The following NTRK3 variants were observed in gnomAD, a reference collection of about 807,000 sequenced individuals.
NTRK3 encodes the protein NT-3 growth factor receptor.
A neutral mutation model predicts 91.7 loss-of-function variants in NTRK3; 24 were observed. The observed-to-expected ratio is 0.26, with a 90% CI of 0.19 to 0.37. The LOEUF is 0.37. Ranked by LOEUF, NTRK3 falls within the 10% of genes least tolerant of loss-of-function variation. The probability of loss-of-function intolerance (pLI) is 1.00; values close to 1 mark genes in which losing one functional copy is unlikely to be tolerated. For missense variants in NTRK3, 880 were observed against 1,068.9 expected (o/e 0.82, Z 2.46); for synonymous variants, 483 against 404.0 (o/e 1.20, Z -2.34).
In NTRK3 at chr15:87,912,931, A is replaced by ATATATATATATATAT. The variant is rs1567099538; in HGVS notation, c.2133+16259_2133+16260insATATATATATATATA. On this transcript the variant is annotated intron_variant, in intron 17 of 18. Transcript: ENST00000394480. ...TTCAACTTTTCAAAAAGTAAAAAAA[A>ATATATATATATATAT]ATATATATATATATATATATATATA... Among the ~76,000 whole-genome samples the ATATATATATATATAT allele has an allele frequency of 1.2e-3, 45 of 36,376 alleles. 1 individual carries two copies. Among genetic ancestry groups the ATATATATATATATAT allele is most frequent in the Non-Finnish European group, 1.7e-3 (36 of 21,234 alleles). 23.9% of individuals were successfully genotyped at this position (36,376 alleles called of 152,430 possible).
intron 3 of NTRK3, among the ~76,000 whole-genome samples, chr15:88,216,400 T>C (rs1487404167): frequency 6.6e-6 from 1 of 152,198 alleles, no homozygotes; most frequent in African/African-American, 2.4e-5. Flanking sequence ...AGCTCACCCC[T>C]GTGGGCCTGG....
Position 87,992,041 on chromosome 15 carries a change from G to A in NTRK3, c.1585+40816C>T, listed in dbSNP as rs116782640. Among the ~76,000 whole-genome samples the A allele has an allele frequency of 8.7e-4, 131 of 150,812 alleles. 1 individual carries two copies. Among genetic ancestry groups the A allele is most frequent in the African/African-American group, 3.1e-3 (128 of 41,066 alleles). ...AACCCTATTTTAGGGCCACTGTTTG[G>A]GGGCTTCTTAACATGTTTCCCAGCT... On this transcript the variant is annotated intron_variant, in intron 14 of 18. Transcript: ENST00000394480.
chr15:88,108,413 C>T (rs1329721615), intron 13 of NTRK3, among the ~76,000 whole-genome samples: 2 of 152,194 alleles, frequency 1.3e-5, no homozygotes, highest in African/African-American at 4.8e-5. Flanking sequence ...GGATTCAAAC[C>T]TGGTGATCCT....
At chr15:87,940,549 A>C in intron 15 of NTRK3, 74 bp downstream of exon 15, 2 of 1,607,202 alleles carry the variant, frequency 1.2e-6, no homozygotes, top group Non-Finnish European at 1.7e-6. Context: ...TCTCAAATGG[A>C]GGGAGCCTCT....
At chr15:87,974,775 C>G (rs1278685925) in intron 14 of NTRK3, among the ~76,000 whole-genome samples, 6 of 152,158 alleles carry the variant, frequency 3.9e-5, no homozygotes, top group Non-Finnish European at 1.5e-5. Context: ...ATGTTCTTTT[C>G]CAGTCTTTAA....
At chr15:88,024,608 A>T (rs767796746) in intron 14 of NTRK3, among the ~76,000 whole-genome samples, 14 of 152,224 alleles carry the variant, frequency 9.2e-5, no homozygotes, top group Non-Finnish European at 1.8e-4. Flanking sequence ...CTAGGAAAGA[A>T]ATGGGAAGGG....
At chr15:88,114,426 C>CA (rs528498489) in intron 13 of NTRK3, among the ~76,000 whole-genome samples, 204 of 150,930 alleles carry the variant, frequency 1.4e-3, no homozygotes, top group African/African-American at 3.2e-3. Context: ...TTTACAACAA[C>CA]AAAAAAAAAT....
At chr15:88,068,753 C>T (rs1379807329) in intron 13 of NTRK3, among the ~76,000 whole-genome samples, 2 of 151,964 alleles carry the variant, frequency 1.3e-5, no homozygotes, top group Non-Finnish European at 2.9e-5. Context: ...GGGTAGGGGT[C>T]GTCAAAGCAG....
intron 3 of NTRK3, among the ~76,000 whole-genome samples, chr15:88,226,967 T>C (rs552460756): frequency 2.0e-5 from 3 of 152,358 alleles, no homozygotes; most frequent in South Asian, 2.1e-4. Context: ...TTCCACTTTA[T>C]GTATGCATCT....
At chr15:88,114,300 T>TA (rs2051791787) in intron 13 of NTRK3, among the ~76,000 whole-genome samples, 1 of 151,982 alleles carries the variant, frequency 6.6e-6, no homozygotes, top group Non-Finnish European at 1.5e-5. Context: ...AAGATGAAAT[T>TA]AAAAAAATCC....
intron 13 of NTRK3, among the ~76,000 whole-genome samples, chr15:88,054,152 A>G (rs1030538961): frequency 1.2e-4 from 19 of 152,366 alleles, no homozygotes; most frequent in Admixed American, 3.9e-4. Context: ...AACCTGCCTC[A>G]TTTGTTTGTA....
chr15:87,933,704 G>A (rs1055610762), intron 15 of NTRK3, among the ~76,000 whole-genome samples: 9 of 152,240 alleles, frequency 5.9e-5, no homozygotes, highest in Non-Finnish European at 1.0e-4. Flanking sequence ...GATTGTGAAG[G>A]TATCTACATT....
chr15:88,223,506 G>A (rs2050415374), intron 3 of NTRK3, among the ~76,000 whole-genome samples: 1 of 152,256 alleles, frequency 6.6e-6, no homozygotes. Flanking sequence ...GCCAGAGACT[G>A]CGGAGCAGGG....
intron 17 of NTRK3, among the ~76,000 whole-genome samples, chr15:87,908,109 C>A (rs2066877522): frequency 6.6e-6 from 1 of 152,158 alleles, no homozygotes; most frequent in Non-Finnish European, 1.5e-5. Context: ...CAAGGTCACA[C>A]CTCCTGAAAT....
chr15:88,146,442 G>T (rs1302188286), intron 6 of NTRK3, among the ~76,000 whole-genome samples: 12 of 152,184 alleles, frequency 7.9e-5, no homozygotes, highest in Non-Finnish European at 1.8e-4. Context: ...CACATGAGCG[G>T]TGTCTCTGGA....
chr15:87,980,031 G>T lies in NTRK3; in HGVS notation c.1586-39278C>A, dbSNP rs190887767. Among the ~76,000 whole-genome samples, 15 of 152,258 alleles carry T rather than the reference G, an allele frequency of 9.9e-5. No individual in the cohort carries two copies. In the East Asian group the frequency reaches 2.7e-3, roughly 27 times the overall value. On this transcript the variant is annotated intron_variant, in intron 14 of 18. Coordinates refer to ENST00000394480, the Ensembl canonical transcript of NTRK3. ...CAAGCTCTTTCTCATTGACCTTTTC[G>T]CCTCACACCACAGGTCTGTGGAAGG...
intron 13 of NTRK3, among the ~76,000 whole-genome samples, chr15:88,124,468 G>A (rs548188644): frequency 7.9e-5 from 12 of 152,306 alleles, no homozygotes; most frequent in East Asian, 3.9e-4. Context: ...CAAGCATGTC[G>A]CAGGGTCTCA....
chr15:88,179,667 A>G (rs1362569200), intron 5 of NTRK3, among the ~76,000 whole-genome samples: 1 of 152,146 alleles, frequency 6.6e-6, no homozygotes, highest in African/African-American at 2.4e-5. Flanking sequence ...CCAGCTGCAG[A>G]AGCTGGGCTC....
exon 19 of NTRK3, chr15:87,876,716 A>AT (rs2064961656): frequency 1.0e-5 from 2 of 193,478 alleles, no homozygotes; most frequent in Admixed American, 6.4e-5. Context: ...TAGATATATA[A>AT]ATATATATAT....
Sources: allele counts gnomAD v4.1 joint callset (sites outside exome capture counted in the v4.1 genomes callset), GRCh38; gene constraint gnomAD v4.1.1; transcripts MANE v1.5; gene names NCBI Gene and HGNC (gene_info 2026-07-23, HGNC 2026-07-21).